The following WDFY2 variants were observed in gnomAD, a reference collection of about 807,000 sequenced individuals.
WDFY2 encodes WD repeat and FYVE domain containing 2.
Under a neutral mutation model 56.4 loss-of-function variants are expected in WDFY2, and 36 were observed. That is an observed-to-expected ratio of 0.64 (90% confidence interval 0.49 to 0.84). WDFY2 has a LOEUF of 0.84. Ranked by LOEUF, WDFY2 falls within the 40% of genes least tolerant of loss-of-function variation. The probability of loss-of-function intolerance (pLI) is 0.00; values close to 1 mark genes in which losing one functional copy is unlikely to be tolerated. For missense variants in WDFY2, 444 were observed against 512.2 expected (o/e 0.87, Z 1.29); for synonymous variants, 176 against 183.7 (o/e 0.96, Z 0.34).
intron 1 of WDFY2, among the ~76,000 whole-genome samples, chr13:51,593,380 A>G (rs968470462): frequency 6.6e-6 from 1 of 152,160 alleles, no homozygotes; most frequent in African/African-American, 2.4e-5. Flanking sequence ...ACATTTATAA[A>G]TTGTTATACA....
intron 1 of WDFY2, among the ~76,000 whole-genome samples, chr13:51,627,965 T>A (rs1954869342): frequency 6.6e-6 from 1 of 152,108 alleles, no homozygotes; most frequent in Non-Finnish European, 1.5e-5. Flanking sequence ...AAGTGCATGC[T>A]GATTGGTTCG....
chr13:51,663,032 C>T (rs1955641738), intron 2 of WDFY2, among the ~76,000 whole-genome samples: 1 of 152,170 alleles, frequency 6.6e-6, no homozygotes, highest in African/African-American at 2.4e-5. Flanking sequence ...CGGGTTAGAT[C>T]ATGTCTGTAA....
At chr13:51,695,871 C>T (rs374738717) in intron 3 of WDFY2, among the ~76,000 whole-genome samples, 3 of 152,224 alleles carry the variant, frequency 2.0e-5, no homozygotes, top group East Asian at 1.9e-4. Context: ...CCTAAGCAAG[C>T]CTGGACAATG....
intron 5 of WDFY2, among the ~76,000 whole-genome samples, chr13:51,721,224 G>A (rs1158280919): frequency 2.0e-5 from 3 of 152,130 alleles, no homozygotes; most frequent in East Asian, 1.9e-4. Context: ...CAGCTAGTAA[G>A]TAGGAAAATC....
intron 1 of WDFY2, chr13:51,592,222 TTCCTG>T (rs1954059356): frequency 6.6e-6 from 1 of 152,198 alleles, no homozygotes; most frequent in Admixed American, 6.5e-5. Flanking sequence ...GCATTTTAAC[TTCCTG>T]TCCTATGTTA....
At chr13:51,714,076 C>T (rs1207562900) in intron 4 of WDFY2, among the ~76,000 whole-genome samples, 4 of 151,754 alleles carry the variant, frequency 2.6e-5, no homozygotes, top group Non-Finnish European at 5.9e-5. Context: ...CTTAATGCCA[C>T]AGAACTGTAT....
chr13:51,625,576 A>G (rs1954823379), intron 1 of WDFY2, among the ~76,000 whole-genome samples: 1 of 152,244 alleles, frequency 6.6e-6, no homozygotes, highest in African/African-American at 2.4e-5. Context: ...AAAATTCGGT[A>G]CCCATTCTTA....
intron 1 of WDFY2, among the ~76,000 whole-genome samples, chr13:51,603,444 A>G (rs1954324329): frequency 6.6e-6 from 1 of 152,144 alleles, no homozygotes; most frequent in Non-Finnish European, 1.5e-5. Flanking sequence ...GGGGTGCTGT[A>G]AAAGGGTGAG....
At chr13:51,732,683 C>T (rs1952750504) in intron 6 of WDFY2, among the ~76,000 whole-genome samples, 1 of 152,152 alleles carries the variant, frequency 6.6e-6, no homozygotes, top group East Asian at 1.9e-4. Context: ...GATGCAAGTT[C>T]ATATAGTTTA....
At chr13:51,641,914 C>T (rs749211368) in intron 1 of WDFY2, among the ~76,000 whole-genome samples, 4 of 149,946 alleles carry the variant, frequency 2.7e-5, no homozygotes, top group African/African-American at 9.8e-5. Flanking sequence ...TTACAGTTAT[C>T]GTAATAATCT....
At chr13:51,595,895 A>AT (rs983229164) in intron 1 of WDFY2, among the ~76,000 whole-genome samples, 1 of 152,066 alleles carries the variant, frequency 6.6e-6, no homozygotes, top group African/African-American at 2.4e-5. Flanking sequence ...CTCTGGAGGC[A>AT]TTTTTTTGGG....
chr13:51,689,671 A>T (rs1424681392), intron 3 of WDFY2, among the ~76,000 whole-genome samples: 1 of 152,158 alleles, frequency 6.6e-6, no homozygotes, highest in Non-Finnish European at 1.5e-5. Flanking sequence ...GCTCATAGGC[A>T]TTTGACCGGA....
intron 1 of WDFY2, among the ~76,000 whole-genome samples, chr13:51,600,234 A>T (rs1954242736): frequency 6.6e-6 from 1 of 152,178 alleles, no homozygotes; most frequent in Non-Finnish European, 1.5e-5. Flanking sequence ...TTACTTTGAA[A>T]ATCAGTTGTG....
chr13:51,622,983 G>T (rs1055840775), intron 1 of WDFY2, among the ~76,000 whole-genome samples: 5 of 150,482 alleles, frequency 3.3e-5, no homozygotes, highest in Non-Finnish European at 7.4e-5. Flanking sequence ...TCAGCCTCCC[G>T]AGTAGTTGGG....
chr13:51,626,365 G>T (rs1954836023), intron 1 of WDFY2, among the ~76,000 whole-genome samples: 1 of 152,154 alleles, frequency 6.6e-6, no homozygotes, highest in Non-Finnish European at 1.5e-5. Context: ...CTCTGTAAAA[G>T]AAGTTTTTAA....
In WDFY2 at chr13:51,675,253, C is replaced by T; in HGVS notation, c.279+10C>T. The T allele has an allele frequency of 6.2e-7, 1 of 1,608,114 alleles. No homozygotes were observed. Among genetic ancestry groups the T allele is most frequent in the Non-Finnish European group, 8.5e-7 (1 of 1,174,778 alleles). ...CAATGGTACAATCTCAGTAAGTACA[C>T]ATAAATAAGATTTCCAGTTGAAATA... On this transcript the variant is annotated intron_variant, in intron 3 of 11. Transcript: ENST00000298125.
intron 1 of WDFY2, among the ~76,000 whole-genome samples, chr13:51,609,601 A>C (rs1440011485): frequency 0.015 from 973 of 66,188 alleles, 2 homozygotes; most frequent in South Asian, 0.019. Context: ...AAAAACCCCA[A>C]CCCCCGCCCC....
At chr13:51,652,536 CT>C (rs1244452256) in intron 1 of WDFY2, among the ~76,000 whole-genome samples, 6 of 152,176 alleles carry the variant, frequency 3.9e-5, no homozygotes, top group African/African-American at 1.4e-4. Context: ...TTTGCAGTGG[CT>C]GGTATTGGTT....
At position 51,584,590 on chromosome 13, in the gene WDFY2, G is replaced by C; in HGVS notation, c.-98G>C. On this transcript the variant is annotated 5_prime_UTR_variant, in exon 1 of 12. Coordinates refer to ENST00000298125, the MANE Select transcript of WDFY2 (RefSeq NM_052950.4). The stretch of plus-strand genomic sequence containing the variant: ...TCCGGCGTTCCGCTCCGGCCAGCCA[G>C]AGTCTCTGTCTCAACCTGTGTCCGT... 1 of 1,432,438 alleles carries C rather than the reference G, an allele frequency of 7.0e-7. No individual in the cohort carries two copies. Among genetic ancestry groups the C allele is most frequent in the Non-Finnish European group, 9.2e-7 (1 of 1,088,158 alleles). 88.7% of individuals were successfully genotyped at this position (1,432,438 alleles called of 1,614,324 possible).
Sources: gnomAD v4.1 joint callset for allele counts (sites outside exome capture counted in the v4.1 genomes callset) on GRCh38, gnomAD v4.1.1 for gene constraint, MANE v1.5 for transcripts, NCBI Gene and HGNC (gene_info 2026-07-23, HGNC 2026-07-21) for gene names.